EPHA5: variants seen among roughly 807,000 people sequenced by gnomAD.
EPHA5 encodes ephrin type-A receptor 5.
A neutral mutation model predicts 105.0 loss-of-function variants in EPHA5; 60 were observed. That is an observed-to-expected ratio of 0.57 (90% CI 0.46 to 0.71). The LOEUF is 0.71. EPHA5 is among the 30% of genes least tolerant of loss of function. The pLI, the probability that EPHA5 is intolerant of heterozygous loss-of-function variation, is 0.00. For synonymous variants in EPHA5, 513 were observed against 449.1 expected, an observed-to-expected ratio of 1.14 and a Z score of -1.80; for missense variants, 1,218 against 1,274.7, an observed-to-expected ratio of 0.96 and a Z score of 0.68.
intron 13 of EPHA5, among the ~76,000 whole-genome samples, chr4:65,348,815 A>ATATATATATTTT (rs71657404): frequency 1.6e-5 from 1 of 64,120 alleles, no homozygotes; most frequent in African/African-American, 6.2e-5. Context: ...ATATATATAT[A>ATATATATATTTT]TTTTTTTTTT....
chr4:65,648,999 G>A (rs1748364233), intron 1 of EPHA5, among the ~76,000 whole-genome samples: 1 of 152,196 alleles, frequency 6.6e-6, no homozygotes, highest in Admixed American at 6.5e-5. Flanking sequence ...GTTTAGAAGT[G>A]TTATGTAGAT....
At chr4:65,507,143 G>T (rs1448183692) in intron 3 of EPHA5, among the ~76,000 whole-genome samples, 1 of 151,962 alleles carries the variant, frequency 6.6e-6, no homozygotes, top group African/African-American at 2.4e-5. Context: ...CCATTGCTTG[G>T]TTTTGTCAGG....
chr4:65,594,413 C>G (rs370964847), intron 3 of EPHA5, among the ~76,000 whole-genome samples: 17 of 152,108 alleles, frequency 1.1e-4, no homozygotes, highest in East Asian at 5.8e-4. Context: ...CAATATGGAA[C>G]ATGTCATCAT....
chr4:65,379,293 A>ACACT (rs1491317995), intron 8 of EPHA5, among the ~76,000 whole-genome samples: 2 of 150,920 alleles, frequency 1.3e-5, no homozygotes, highest in Admixed American at 6.6e-5. Context: ...ACACACACAC[A>ACACT]CTCACACAGA....
chr4:65,651,437 C>T (rs1404386167), intron 1 of EPHA5, among the ~76,000 whole-genome samples: 1 of 152,130 alleles, frequency 6.6e-6, no homozygotes, highest in Non-Finnish European at 1.5e-5. Context: ...CCTATGTCTC[C>T]GTTCCAGTGT....
At chr4:65,593,962 A>T (rs538963365) in intron 3 of EPHA5, among the ~76,000 whole-genome samples, 1 of 152,194 alleles carries the variant, frequency 6.6e-6, no homozygotes, top group Non-Finnish European at 1.5e-5. Flanking sequence ...ATACTGAAAT[A>T]TTTGCTAAAT....
chr4:65,408,008 G>A (rs114438899), intron 7 of EPHA5, among the ~76,000 whole-genome samples: 2,900 of 151,854 alleles, frequency 0.019, 78 homozygotes, highest in African/African-American at 0.058. Flanking sequence ...CAAGTGATTC[G>A]CCCACCATAA....
At chr4:65,473,403 G>A (rs1189957122) in intron 5 of EPHA5, among the ~76,000 whole-genome samples, 2 of 152,170 alleles carry the variant, frequency 1.3e-5, no homozygotes, top group Non-Finnish European at 2.9e-5. Flanking sequence ...CCAAGAGTGG[G>A]TAATGTATAA....
Position 65,664,428 on chromosome 4 carries a change from AT to A in EPHA5, c.181+5133del, listed in dbSNP as rs1749795245. Among the ~76,000 whole-genome samples the A allele has an allele frequency of 2.6e-5, 4 of 152,046 alleles. No homozygotes were observed. The Middle Eastern group carries it at 0.014, about 517-fold the overall frequency. ...GGTACTAATAATTTTTTCTTAAAAA[AT>A]GAACCCATTTTAATCTGTGTTTACA... On this transcript the variant is annotated intron_variant, in intron 1 of 16. Coordinates refer to ENST00000613740, the MANE Select transcript of EPHA5 (RefSeq NM_001281766.3).
intron 1 of EPHA5, among the ~76,000 whole-genome samples, chr4:65,656,475 A>G (rs974496606): frequency 6.6e-6 from 1 of 150,732 alleles, no homozygotes; most frequent in South Asian, 2.1e-4. Flanking sequence ...TTCCATATGC[A>G]TGTTTTCTTG....
chr4:65,600,814 A>T (rs1469067656), intron 3 of EPHA5, among the ~76,000 whole-genome samples: 5 of 152,298 alleles, frequency 3.3e-5, no homozygotes, highest in Admixed American at 3.3e-4. Context: ...CTTCGTTTTG[A>T]TATAAAATAC....
In EPHA5 at chr4:65,591,459, G is replaced by C. The variant is rs532999647; in HGVS notation, c.910+10182C>G. On this transcript the variant is annotated intron_variant, in intron 3 of 16. Transcript: ENST00000613740. ...TTATGCTAAAACTATTTAAAAAATAGTTTTCTGTTCCCAAGTTTCCCTCAT... is the reference window on the plus strand; with the variant it reads ...TTATGCTAAAACTATTTAAAAAATACTTTTCTGTTCCCAAGTTTCCCTCAT... Among the ~76,000 whole-genome samples, 11 of 151,596 alleles carry C rather than the reference G, an allele frequency of 7.3e-5. No individual in the cohort carries two copies. In the South Asian group the frequency reaches 2.3e-3, roughly 32 times the overall value.
intron 7 of EPHA5, among the ~76,000 whole-genome samples, chr4:65,410,146 T>C (rs957164999): frequency 1.7e-4 from 26 of 152,314 alleles, no homozygotes; most frequent in African/African-American, 6.0e-4. Flanking sequence ...TAGCAAAAAC[T>C]GTAATCAGCC....
At chr4:65,661,828 T>C in intron 1 of EPHA5, among the ~76,000 whole-genome samples, 1 of 152,160 alleles carries the variant, frequency 6.6e-6, no homozygotes, top group East Asian at 1.9e-4. Flanking sequence ...GTGCTGTCAT[T>C]GCAAAGCAAA....
At chr4:65,589,246 G>GTT (rs34031274) in intron 3 of EPHA5, among the ~76,000 whole-genome samples, 455 of 151,150 alleles carry the variant, frequency 3.0e-3, no homozygotes, top group African/African-American at 0.01. Context: ...GCTAACAGAC[G>GTT]TTTTTTTTTA....
intron 3 of EPHA5, among the ~76,000 whole-genome samples, chr4:65,528,367 C>T (rs1406867602): frequency 6.6e-6 from 1 of 151,700 alleles, no homozygotes; most frequent in Non-Finnish European, 1.5e-5. Flanking sequence ...AAATATGTTT[C>T]TTAAAGAGTG....
intron 11 of EPHA5, among the ~76,000 whole-genome samples, chr4:65,359,253 A>C (rs1723592043): frequency 6.6e-6 from 1 of 151,612 alleles, no homozygotes; most frequent in Admixed American, 6.6e-5. Context: ...AACAAGAACC[A>C]AATTAATGAG....
At chr4:65,529,728 A>G (rs1197244276) in intron 3 of EPHA5, among the ~76,000 whole-genome samples, 1 of 152,152 alleles carries the variant, frequency 6.6e-6, no homozygotes, top group Non-Finnish European at 1.5e-5. Flanking sequence ...AATGACATGA[A>G]CGTATATAAC....
At chr4:65,478,326 T>A (rs1730030756) in intron 5 of EPHA5, among the ~76,000 whole-genome samples, 1 of 152,212 alleles carries the variant, frequency 6.6e-6, no homozygotes, top group East Asian at 1.9e-4. Context: ...CTTCAATGAT[T>A]TATCAAATTA....
Sources: gnomAD v4.1 joint callset for allele counts (sites outside exome capture counted in the v4.1 genomes callset) on GRCh38, gnomAD v4.1.1 for gene constraint, MANE v1.5 for transcripts, NCBI Gene and HGNC (gene_info 2026-07-23, HGNC 2026-07-21) for gene names.